Variants in LEKR1 observed in about 807,000 individuals in gnomAD.
LEKR1 encodes protein LEKR1.
Under a neutral mutation model 72.4 loss-of-function variants are expected in LEKR1, and 59 were observed. That is an observed-to-expected ratio of 0.82 (90% CI 0.66 to 1.01). The LOEUF (loss-of-function observed/expected upper bound fraction) is 1.01. Ranked by LOEUF, LEKR1 falls within the 50% of genes least tolerant of loss-of-function variation. The pLI is 0.00. For synonymous variants in LEKR1, 257 were observed against 263.2 expected (o/e 0.98, Z 0.23); for missense variants, 728 against 759.2 (o/e 0.96, Z 0.48).
rs142267488 is a variant in LEKR1 at position 156,897,210 on chromosome 3, A to G, written c.264-23365A>G. Among the ~76,000 whole-genome samples the G allele has an allele frequency of 1.3e-3, 197 of 152,332 alleles. 2 individuals carry two copies. Among genetic ancestry groups the G allele is most frequent in the Non-Finnish European group, 1.2e-3 (84 of 68,022 alleles). ...CTTAAAAGTTGGAAAGAAAAAATTCATGGGTTGGAATCTTACCCCAAGATG... is the reference window on the plus strand; with the variant it reads ...CTTAAAAGTTGGAAAGAAAAAATTCGTGGGTTGGAATCTTACCCCAAGATG... On this transcript the variant is annotated intron_variant, in intron 3 of 12. Transcript: ENST00000356539.
chr3:157,012,258 T>C (rs1027798791), intron 10 of LEKR1, among the ~76,000 whole-genome samples: 1 of 152,126 alleles, frequency 6.6e-6, no homozygotes, highest in Non-Finnish European at 1.5e-5. Context: ...TCCCAACTCA[T>C]TCTCTTACGT....
intron 6 of LEKR1, among the ~76,000 whole-genome samples, chr3:156,973,277 T>C (rs2086668): frequency 0.071 from 10,836 of 152,170 alleles, 491 homozygotes; most frequent in African/African-American, 0.12. Flanking sequence ...TAAGTTTACA[T>C]TGAAATGATT....
intron 2 of LEKR1, among the ~76,000 whole-genome samples, chr3:156,847,801 A>G (rs1291914948): frequency 3.9e-5 from 6 of 152,204 alleles, no homozygotes; most frequent in Admixed American, 1.3e-4. Flanking sequence ...CTTGTTTTCT[A>G]CATCATAATG....
chr3:156,983,932 G>T (rs987204572), intron 7 of LEKR1, among the ~76,000 whole-genome samples: 1 of 151,538 alleles, frequency 6.6e-6, no homozygotes. Context: ...CTCCCCCCAA[G>T]TCCCCCCAAA....
intron 6 of LEKR1, among the ~76,000 whole-genome samples, chr3:156,954,090 T>C (rs1727408859): frequency 6.6e-6 from 1 of 152,104 alleles, no homozygotes; most frequent in South Asian, 2.1e-4. Flanking sequence ...TTATTGTGGT[T>C]TTAATTTGCA....
chr3:156,951,495 T>A lies in LEKR1; in HGVS notation c.745+8781T>A, dbSNP rs561985114. ...GTGAATCCATCAGCTCCTGGGGTTT[T>A]TTTTTGGTTGGTAGACTGTTTATTA... On this transcript the variant is annotated intron_variant, in intron 6 of 12. Coordinates refer to ENST00000356539, the MANE Select transcript of LEKR1 (RefSeq NM_001004316.3). 5.7e-3 allele frequency among the ~76,000 whole-genome samples: 867 copies of A among 151,876 alleles called. 4 individuals carry two copies. Among genetic ancestry groups the A allele is most frequent in the African/African-American group, 0.02 (825 of 41,490 alleles).
intron 5 of LEKR1, among the ~76,000 whole-genome samples, chr3:156,941,006 G>A (rs1022722060): frequency 2.6e-5 from 4 of 152,120 alleles, no homozygotes; most frequent in African/African-American, 9.6e-5. Context: ...TTTTAGGTAC[G>A]TAGGGAAACT....
intron 5 of LEKR1, among the ~76,000 whole-genome samples, chr3:156,941,005 C>T (rs1244804275): frequency 1.3e-5 from 2 of 151,972 alleles, no homozygotes; most frequent in Non-Finnish European, 2.9e-5. Flanking sequence ...TTTTTAGGTA[C>T]GTAGGGAAAC....
At chr3:156,914,991 C>T (rs1364794997) in intron 3 of LEKR1, among the ~76,000 whole-genome samples, 2 of 152,032 alleles carry the variant, frequency 1.3e-5, no homozygotes, top group Non-Finnish European at 2.9e-5. Context: ...CTCTTTGTGT[C>T]CATCCATCCT....
chr3:156,935,434 A>G (rs1040807043), intron 5 of LEKR1, among the ~76,000 whole-genome samples: 1 of 152,210 alleles, frequency 6.6e-6, no homozygotes, highest in Non-Finnish European at 1.5e-5. Flanking sequence ...ATGTGCAAAT[A>G]TGTGTAAAAC....
At chr3:156,917,631 T>A (rs765362256) in intron 3 of LEKR1, among the ~76,000 whole-genome samples, 18 of 152,304 alleles carry the variant, frequency 1.2e-4, no homozygotes, top group Non-Finnish European at 2.4e-4. Flanking sequence ...TGAATATTTT[T>A]AAAATATGTG....
At chr3:156,979,134 A>G (rs150483772) in intron 6 of LEKR1, 60 bp from the exon 7 acceptor site, 3 of 745,832 alleles carry the variant, frequency 4.0e-6, no homozygotes, top group East Asian at 1.3e-4. Context: ...GGTTTACTCT[A>G]TGAAAATATC....
chr3:156,967,045 C>T (rs1728679959), intron 6 of LEKR1, among the ~76,000 whole-genome samples: 1 of 152,194 alleles, frequency 6.6e-6, no homozygotes, highest in South Asian at 2.1e-4. Context: ...CAGCAAACTC[C>T]AACAGACCTG....
chr3:156,939,230 T>C (rs775346663), intron 5 of LEKR1, among the ~76,000 whole-genome samples: 34 of 152,172 alleles, frequency 2.2e-4, no homozygotes, highest in Non-Finnish European at 4.4e-4. Flanking sequence ...CTGACTGGTG[T>C]CATAAGAAGA....
At chr3:156,934,817 A>G (rs1196960330) in intron 5 of LEKR1, among the ~76,000 whole-genome samples, 1 of 151,774 alleles carries the variant, frequency 6.6e-6, no homozygotes, top group East Asian at 1.9e-4. Context: ...ATATATATAT[A>G]CATACATATA....
Position 156,888,393 on chromosome 3 carries a change from C to T in LEKR1, c.264-32182C>T, listed in dbSNP as rs1490380526. On this transcript the variant is annotated intron_variant, in intron 3 of 12. Coordinates refer to ENST00000356539, the MANE Select transcript of LEKR1 (RefSeq NM_001004316.3). ...TACAACATTCTGTCACTGAGCCATA[C>T]ATAGGTCTGTGATTTGTTTTCCTTA... is the stretch of plus-strand genomic sequence containing the variant. 3.4e-5 allele frequency: 24 copies of T among 701,322 alleles called. No homozygotes were observed. The Admixed American group carries it at 4.6e-4, about 13-fold the overall frequency. The allele number at this position is 701,322 out of a possible 1,614,324, so 43.4% of individuals were successfully genotyped here.
intron 2 of LEKR1, among the ~76,000 whole-genome samples, chr3:156,837,133 C>A (rs1042394387): frequency 6.6e-6 from 1 of 152,146 alleles, no homozygotes; most frequent in Non-Finnish European, 1.5e-5. Flanking sequence ...CTTTTACAAG[C>A]CCAGATGTTA....
chr3:157,034,150 A>G (rs903203404), intron 12 of LEKR1, among the ~76,000 whole-genome samples: 6 of 152,180 alleles, frequency 3.9e-5, no homozygotes, highest in Admixed American at 3.9e-4. Context: ...TAATGTTTTC[A>G]TGCCTGCAAG....
At chr3:156,843,830 T>A (rs1317530559) in intron 2 of LEKR1, among the ~76,000 whole-genome samples, 1 of 152,034 alleles carries the variant, frequency 6.6e-6, no homozygotes, top group Non-Finnish European at 1.5e-5. Flanking sequence ...TTGTGATGTG[T>A]GTGTGTGTGT....
Sources: allele counts gnomAD v4.1 joint callset (sites outside exome capture counted in the v4.1 genomes callset), GRCh38; gene constraint gnomAD v4.1.1; transcripts MANE v1.5; gene names NCBI Gene and HGNC (gene_info 2026-07-23, HGNC 2026-07-21).